KIAA0319: variants seen among roughly 807,000 people sequenced by gnomAD.
KIAA0319 encodes KIAA0319.
In KIAA0319, 83 loss-of-function variants were observed where a neutral mutation model predicts 108.4. The observed-to-expected ratio is 0.77, with a 90% CI of 0.64 to 0.92. The LOEUF (loss-of-function observed/expected upper bound fraction) is 0.92, where lower values mean the gene tolerates loss of function less well. KIAA0319 is among the 40% of genes least tolerant of loss of function. KIAA0319 has a pLI of 0.00. For missense variants in KIAA0319, 1,195 were observed against 1,322.4 expected, an observed-to-expected ratio of 0.90 and a Z score of 1.49; for synonymous variants, 484 against 510.4, an observed-to-expected ratio of 0.95 and a Z score of 0.70.
chr6:24,631,498 C>T (rs1233300185), intron 1 of KIAA0319, among the ~76,000 whole-genome samples: 4 of 152,152 alleles, frequency 2.6e-5, no homozygotes, highest in African/African-American at 9.7e-5. Context: ...TAAATTTTAC[C>T]ATCTTTTCCA....
intron 1 of KIAA0319, among the ~76,000 whole-genome samples, chr6:24,608,657 G>A (rs113557024): frequency 2.5e-4 from 38 of 152,158 alleles, no homozygotes; most frequent in Middle Eastern, 3.4e-3. Context: ...CAGGCCAGGC[G>A]CGGTGGCTCA....
intron 8 of KIAA0319, among the ~76,000 whole-genome samples, chr6:24,579,563 C>G (rs1052812875): frequency 5.5e-5 from 8 of 146,614 alleles, no homozygotes; most frequent in African/African-American, 2.0e-4. Context: ...AGTGATTTTC[C>G]AACTGCTAAC....
At chr6:24,611,742 C>T (rs1419996014) in intron 1 of KIAA0319, among the ~76,000 whole-genome samples, 1 of 151,920 alleles carries the variant, frequency 6.6e-6, no homozygotes, top group East Asian at 1.9e-4. Context: ...AATATAAGCG[C>T]ATTTGAAATA....
chr6:24,589,472 G>T (rs981763809), intron 3 of KIAA0319, among the ~76,000 whole-genome samples: 1 of 152,124 alleles, frequency 6.6e-6, no homozygotes, highest in Non-Finnish European at 1.5e-5. Context: ...TAATCCCCAC[G>T]TGTCAAGGGA....
intron 1 of KIAA0319, among the ~76,000 whole-genome samples, chr6:24,601,694 G>C (rs1237337195): frequency 6.6e-6 from 1 of 152,198 alleles, no homozygotes; most frequent in Non-Finnish European, 1.5e-5. Flanking sequence ...TTCTCTGACT[G>C]GTCCAAAGTT....
intron 2 of KIAA0319, among the ~76,000 whole-genome samples, chr6:24,597,647 G>T (rs571075179): frequency 2.8e-4 from 43 of 152,174 alleles, no homozygotes; most frequent in Non-Finnish European, 4.9e-4. Flanking sequence ...CAGGGAACCT[G>T]TCGCCTATGT....
At position 24,607,175 on chromosome 6, in the gene KIAA0319, G is replaced by A. The variant is rs549635025; in HGVS notation, c.-105-5967C>T. ...ATTTGAGACCAGCCTGACCAACATGGTGAAACCCTATCTCTACTCAAAATA... is the reference window on the plus strand; with the variant it reads ...ATTTGAGACCAGCCTGACCAACATGATGAAACCCTATCTCTACTCAAAATA... On this transcript the variant is annotated intron_variant, in intron 1 of 20. Transcript: ENST00000378214. Among the ~76,000 whole-genome samples the A allele has an allele frequency of 5.3e-5, 8 of 152,252 alleles. 1 individual carries two copies. The highest frequency in any genetic ancestry group is 1.9e-4 in the African/African-American group (8 of 41,534).
At position 24,596,387 on chromosome 6, in the gene KIAA0319, A is replaced by C; in HGVS notation, c.287T>G (p.Ile96Ser). 3.7e-6 allele frequency: 6 copies of C among 1,614,176 alleles called. No individual in the cohort carries two copies. The highest frequency in any genetic ancestry group is 5.1e-6 in the Non-Finnish European group (6 of 1,180,008). ...ENCEPKKMGP[I>S]RSYLTFVLRP... is the part of the protein sequence containing the mutation. ...GAGCACAAAAGTGAGATAAGACCTG[A>C]TGGGGCCCATCTTCTTGGGCTCACA... Residue 96 changes from isoleucine to serine, a missense_variant, in exon 3 of 21, where the codon ATC becomes AGC. Coordinates refer to ENST00000378214, the MANE Select transcript of KIAA0319 (RefSeq NM_014809.4).
intron 1 of KIAA0319, among the ~76,000 whole-genome samples, chr6:24,641,850 G>A (rs1399018841): frequency 2.0e-5 from 3 of 151,854 alleles, no homozygotes; most frequent in Non-Finnish European, 4.4e-5. Flanking sequence ...GGGGCAACAT[G>A]GCAAGATCTT....
chr6:24,570,359 C>T (rs575679736), intron 11 of KIAA0319, among the ~76,000 whole-genome samples: 2 of 152,106 alleles, frequency 1.3e-5, no homozygotes, highest in Non-Finnish European at 2.9e-5. Context: ...GAGAACGAGG[C>T]GGGCGGATCA....
chr6:24,582,187 AT>A, intron 6 of KIAA0319, 61 bp downstream of exon 6: 1 of 929,562 alleles, frequency 1.1e-6, no homozygotes, highest in Non-Finnish European at 1.8e-6. Context: ...CTAAGAAGGT[AT>A]TAACTGAGCT....
chr6:24,595,287 C>T (rs1769296876), intron 3 of KIAA0319, among the ~76,000 whole-genome samples: 1 of 152,072 alleles, frequency 6.6e-6, no homozygotes, highest in Non-Finnish European at 1.5e-5. Context: ...TGGCTCACGC[C>T]TGTAATCCCA....
In KIAA0319 at chr6:24,596,089, G is replaced by C; in HGVS notation, c.585C>G (p.Phe195Leu). Residue 195 changes from phenylalanine to leucine, a missense_variant, in exon 3 of 21, where the codon TTC (phenylalanine) becomes TTG (leucine). Physicochemically the swap from Phe to Leu is conservative, Grantham distance 22. Transcript: ENST00000378214. The part of the protein sequence containing the change: ...WGLLPGSEGA[F>L]NSSVGDSPAV... The stretch of plus-strand genomic sequence containing the variant: ...CAGGACTGTCTCCAACAGAGGAGTT[G>C]AAGGCCCCCTCGCTGCCCGGCAGTA... The C allele has an allele frequency of 3.1e-6, 5 of 1,614,080 alleles. No individual in the cohort carries two copies. Among genetic ancestry groups the C allele is most frequent in the Non-Finnish European group, 4.2e-6 (5 of 1,179,978 alleles).
In KIAA0319 at chr6:24,579,888, G is replaced by A; in HGVS notation, c.1342C>T (p.Pro448Ser). ...CCATCAATGAGGGCTGACGTCAAAG[G>A]CAAAGTGAGCTCTTGCAGTTGGGGA... ...VSPQLQELTLPLTSALIDGSQ... is the reference protein window; with the variant it reads ...VSPQLQELTLSLTSALIDGSQ... The change falls in exon 8 of 21, where the codon CCT (proline) becomes TCT (serine). Residue 448 changes from proline (P) to serine (S), a missense_variant. Transcript: ENST00000378214. The A allele has an allele frequency of 6.2e-7, 1 of 1,604,592 alleles. No individual in the cohort carries two copies. The highest frequency in any genetic ancestry group is 8.5e-7 in the Non-Finnish European group (1 of 1,175,104).
intron 1 of KIAA0319, among the ~76,000 whole-genome samples, chr6:24,640,432 G>C (rs1021277243): frequency 6.6e-6 from 1 of 152,122 alleles, no homozygotes; most frequent in Non-Finnish European, 1.5e-5. Flanking sequence ...TGGAAGAGTT[G>C]GCATATTTTG....
At chr6:24,620,958 A>G (rs975606279) in intron 1 of KIAA0319, among the ~76,000 whole-genome samples, 4 of 152,184 alleles carry the variant, frequency 2.6e-5, no homozygotes, top group Non-Finnish European at 5.9e-5. Flanking sequence ...TGCCAATTCA[A>G]AATAAGAAAC....
chr6:24,578,888 G>A (rs1247150062), intron 8 of KIAA0319, among the ~76,000 whole-genome samples: 3 of 152,294 alleles, frequency 2.0e-5, no homozygotes, highest in Non-Finnish European at 4.4e-5. Flanking sequence ...CTGAATTAGA[G>A]GAATCAAAAT....
chr6:24,556,490 G>A (rs1275802523), intron 18 of KIAA0319, 117 bp downstream of exon 18: 4 of 1,123,596 alleles, frequency 3.6e-6, no homozygotes, highest in African/African-American at 1.6e-5. Context: ...TTTTGTAAAG[G>A]TGAAGTCTCA....
chr6:24,615,341 T>TA lies in KIAA0319; in HGVS notation c.-105-14134dup, dbSNP rs151230578. 4.4e-3 allele frequency among the ~76,000 whole-genome samples: 673 copies of TA among 151,946 alleles called. 5 individuals are homozygous for TA. The highest frequency in any genetic ancestry group is 0.015 in the African/African-American group (625 of 41,450). ...ATTATTGAAATCTCTAGATATTAAG[T>TA]AAAAAATGCAAGGAAAGTCAGTGAC... On this transcript the variant is annotated intron_variant, in intron 1 of 20. Coordinates refer to ENST00000378214, the MANE Select transcript of KIAA0319 (RefSeq NM_014809.4).
Sources: gnomAD v4.1 joint callset for allele counts (sites outside exome capture counted in the v4.1 genomes callset) on GRCh38, gnomAD v4.1.1 for gene constraint, MANE v1.5 for transcripts, NCBI Gene and HGNC (gene_info 2026-07-23, HGNC 2026-07-21) for gene names.